VWA2: variants seen among roughly 807,000 people sequenced by gnomAD.
VWA2 encodes the protein von Willebrand factor A domain-containing protein 2.
In VWA2, 73 loss-of-function variants were observed where a neutral mutation model predicts 70.4. The observed-to-expected ratio is 1.04, with a 90% CI of 0.86 to 1.26. The LOEUF is 1.26. VWA2 is among the 50% of genes most tolerant of loss of function. VWA2 has a pLI of 0.00. For missense variants in VWA2, 1,011 were observed against 998.5 expected, an observed-to-expected ratio of 1.01 and a Z score of -0.17; for synonymous variants, 407 against 423.3, an observed-to-expected ratio of 0.96 and a Z score of 0.47.
chr10:114,278,785 A>G lies in VWA2; in HGVS notation c.767A>G (p.Asn256Ser), dbSNP rs377744287. 2 of 1,613,728 alleles carry G rather than the reference A, an allele frequency of 1.2e-6. No individual in the cohort carries two copies. The highest frequency in any genetic ancestry group is 1.3e-5 in the African/African-American group (1 of 74,928). Residue 256 changes from asparagine (N) to serine (S), a missense_variant, in exon 8 of 14, where the codon AAT becomes AGT. Coordinates refer to ENST00000392982, the MANE Select transcript of VWA2 (RefSeq NM_001272046.2). ...GAGATGGTCCGGGAGTTCGCTGGCA[A>G]TGCCCCATGCTGGAGAGGATCGCGG... ...TLEMVREFAG[N>S]APCWRGSRRT...
chr10:114,279,577 A>G (rs1236925638), intron 8 of VWA2, among the ~76,000 whole-genome samples: 5 of 152,168 alleles, frequency 3.3e-5, no homozygotes, highest in African/African-American at 4.8e-5. Context: ...GAATCCAAAG[A>G]CTGTTTCTCT....
intron 6 of VWA2, among the ~76,000 whole-genome samples, chr10:114,274,557 C>T (rs1355640289): frequency 6.6e-6 from 1 of 152,204 alleles, no homozygotes; most frequent in Non-Finnish European, 1.5e-5. Flanking sequence ...TCACTGCAAC[C>T]TCCGCCTCCT....
At chr10:114,266,300 GA>G (rs1039702482) in intron 5 of VWA2, among the ~76,000 whole-genome samples, 78 of 146,576 alleles carry the variant, frequency 5.3e-4, no homozygotes, top group East Asian at 4.2e-3. Flanking sequence ...CCGTCTCAAA[GA>G]AAAAAAAAAA....
Position 114,286,328 on chromosome 10 carries a change from G to T in VWA2, c.1387G>T (p.Gly463Cys). The T allele has an allele frequency of 6.2e-7, 1 of 1,612,818 alleles. No individual in the cohort carries two copies. Among genetic ancestry groups the T allele is most frequent in the Non-Finnish European group, 8.5e-7 (1 of 1,179,378 alleles). Residue 463 changes from glycine to cysteine, a missense_variant, in exon 11 of 14, where the codon GGC becomes TGC. Transcript: ENST00000392982. ...GTCACACTCCGAGGATGAGGTTGCG[G>T]GCCCAGCGCGTCACGCAAGGGCGCG... ...TESHSEDEVA[G>C]PARHARAREL... is the part of the protein sequence containing the mutation.
At chr10:114,256,678 A>G (rs1216911536) in intron 4 of VWA2, among the ~76,000 whole-genome samples, 2 of 152,214 alleles carry the variant, frequency 1.3e-5, no homozygotes, top group Non-Finnish European at 2.9e-5. Flanking sequence ...AGGGAGGCCA[A>G]GGCGGGTGGA....
rs145257901 is a variant in VWA2, at chr10:114,278,777, C to T, written c.759C>T (p.Phe253=). 6.8e-5 allele frequency: 110 copies of T among 1,613,844 alleles called. No individual in the cohort carries two copies. Among genetic ancestry groups the T allele is most frequent in the South Asian group, 1.9e-4 (17 of 91,070 alleles). Residue 253 remains phenylalanine (F), a synonymous_variant, in exon 8 of 14, where the codon TTC becomes TTT. Transcript: ENST00000392982. The part of the protein sequence containing the change: ...EHRTLEMVRE[F]AGNAPCWRGS... ...GGACGCTGGAGATGGTCCGGGAGTT[C>T]GCTGGCAATGCCCCATGCTGGAGAG...
intron 6 of VWA2, among the ~76,000 whole-genome samples, chr10:114,274,182 A>G (rs2037771072): frequency 6.6e-6 from 1 of 152,226 alleles, no homozygotes; most frequent in South Asian, 2.1e-4. Flanking sequence ...AAACACAAGA[A>G]GTAAGGGTGG....
intron 4 of VWA2, among the ~76,000 whole-genome samples, chr10:114,260,944 A>T (rs2037431873): frequency 6.6e-6 from 1 of 152,202 alleles, no homozygotes; most frequent in Non-Finnish European, 1.5e-5. Flanking sequence ...AGCAGTAGGT[A>T]AGTCAAGAAG....
At chr10:114,244,164 G>A (rs1050793685) in intron 1 of VWA2, among the ~76,000 whole-genome samples, 2 of 152,254 alleles carry the variant, frequency 1.3e-5, no homozygotes, top group East Asian at 3.8e-4. Flanking sequence ...GCCGGATGGA[G>A]TGTGAGAGCT....
chr10:114,246,725 G>A, intron 1 of VWA2: 1 of 1,526,362 alleles, frequency 6.6e-7, no homozygotes, highest in Non-Finnish European at 9.1e-7. Flanking sequence ...TAGGAATCGT[G>A]CAGGGGGAGA....
chr10:114,250,740 C>G (rs2037178108), intron 2 of VWA2, among the ~76,000 whole-genome samples: 2 of 152,228 alleles, frequency 1.3e-5, no homozygotes, highest in Admixed American at 6.5e-5. Flanking sequence ...AAGTATAACA[C>G]AGCAGCTTCA....
chr10:114,247,355 C>G (rs1282068496), intron 1 of VWA2, among the ~76,000 whole-genome samples: 1 of 152,124 alleles, frequency 6.6e-6, no homozygotes, highest in African/African-American at 2.4e-5. Flanking sequence ...AACACATGCT[C>G]TACCTCCATT....
At chr10:114,251,808 A>G (rs1008261790) in intron 2 of VWA2, among the ~76,000 whole-genome samples, 2 of 149,232 alleles carry the variant, frequency 1.3e-5, no homozygotes, top group Non-Finnish European at 3.0e-5. Flanking sequence ...TGCAGTGAGC[A>G]GAAAACCTGT....
At chr10:114,272,690 C>G in intron 5 of VWA2, 50 bp from the exon 6 acceptor site, 2 of 1,460,466 alleles carry the variant, frequency 1.4e-6, no homozygotes, top group South Asian at 1.5e-5. Flanking sequence ...CCAACTTCAC[C>G]TCCCCACATC....
At chr10:114,283,216 A>T (rs1022842243) in intron 9 of VWA2, among the ~76,000 whole-genome samples, 1 of 152,122 alleles carries the variant, frequency 6.6e-6, no homozygotes, top group Non-Finnish European at 1.5e-5. Context: ...CCCGATGAGT[A>T]GCCTGTCTCC....
chr10:114,273,053 CTT>C, intron 6 of VWA2, 119 bp downstream of exon 6: 1 of 762,158 alleles, frequency 1.3e-6, no homozygotes, highest in East Asian at 3.1e-5. Flanking sequence ...CTGGATCTGT[CTT>C]TTCCTCACTT....
chr10:114,288,753 T>A (rs976586017), intron 11 of VWA2, among the ~76,000 whole-genome samples, 185 bp from the exon 12 acceptor site: 1 of 152,232 alleles, frequency 6.6e-6, no homozygotes, highest in Non-Finnish European at 1.5e-5. Context: ...CAGGCACTCA[T>A]CTTCCTGCTA....
At chr10:114,246,830 A>G in intron 1 of VWA2, 1 of 873,106 alleles carries the variant, frequency 1.1e-6, no homozygotes, top group South Asian at 1.4e-5. Context: ...GAGCGCTACA[A>G]GAAATATTTG....
chr10:114,241,595 C>T (rs993074025), intron 1 of VWA2, among the ~76,000 whole-genome samples: 33 of 152,042 alleles, frequency 2.2e-4, no homozygotes, highest in Admixed American at 3.3e-4. Flanking sequence ...GTGAAAATGC[C>T]TTTTTTGTTA....
Sources: allele counts gnomAD v4.1 joint callset (sites outside exome capture counted in the v4.1 genomes callset), GRCh38; gene constraint gnomAD v4.1.1; transcripts MANE v1.5; gene names NCBI Gene and HGNC (gene_info 2026-07-23, HGNC 2026-07-21).